PLXNB1: variants seen among roughly 807,000 people sequenced by gnomAD.
PLXNB1 encodes plexin B1.
A neutral mutation model predicts 209.4 loss-of-function variants in PLXNB1; 106 were observed. The observed-to-expected ratio is 0.51, with a 90% CI of 0.43 to 0.59. PLXNB1 has a LOEUF of 0.59. Ranked by LOEUF, PLXNB1 falls within the 20% of genes least tolerant of loss-of-function variation. The pLI is 0.00. For missense variants in PLXNB1, 2,357 were observed against 2,853.2 expected (o/e 0.83, Z 3.96); for synonymous variants, 1,167 against 1,183.2 (o/e 0.99, Z 0.28).
In PLXNB1 at chr3:48,412,776, G is replaced by C; in HGVS notation, c.4820C>G (p.Ser1607Cys). The C allele has an allele frequency of 6.2e-7, 1 of 1,613,528 alleles. No individual in the cohort carries two copies. The highest frequency in any genetic ancestry group is 8.5e-7 in the Non-Finnish European group (1 of 1,180,000). ...GAAGAGCTTGCTGTTGAGCAGGTTA[G>C]AGAGCTGCCCCAGCCCTTGCTCCAC... Reference protein sequence around the residue: ...PTVEQGLGQLSNLLNSKLFLT... With the variant: ...PTVEQGLGQLCNLLNSKLFLT... The change falls in exon 25 of 38, where the codon TCT (serine) becomes TGT (cysteine). Residue 1607 changes from serine to cysteine, a missense_variant. By Grantham distance (112) the Ser-to-Cys change is moderately radical. Coordinates refer to ENST00000296440, the MANE Select transcript of PLXNB1 (RefSeq NM_001130082.3).
At position 48,404,278 on chromosome 3, in the gene PLXNB1, C is replaced by G. The variant is rs367875730; in HGVS notation, c.*208G>C. The G allele has an allele frequency of 5.4e-6, 3 of 551,208 alleles. No individual in the cohort carries two copies. Among genetic ancestry groups the G allele is most frequent in the Admixed American group, 6.8e-5 (2 of 29,264 alleles). The allele number at this position is 551,208 out of a possible 1,614,324, so 34.1% of individuals were successfully genotyped here. A position where few individuals can be genotyped will look rare whatever the true frequency, so the allele number is the denominator to read the frequency against. ...AGGGTCGCTGGACTCGGGGAGCAGG[C>G]TGGGTACTACCCCATGAGCCTTGAG... is the stretch of plus-strand genomic sequence containing the variant. On this transcript the variant is annotated 3_prime_UTR_variant, in exon 38 of 38. Coordinates refer to ENST00000296440, the MANE Select transcript of PLXNB1 (RefSeq NM_001130082.3).
intron 8 of PLXNB1, 128 bp from the exon 9 acceptor site, chr3:48,421,084 T>C: frequency 1.6e-6 from 2 of 1,267,942 alleles, no homozygotes; most frequent in African/African-American, 1.5e-5. Context: ...GGGCACAGAA[T>C]GGAGGCTTCA....
rs2039103447 is a variant in PLXNB1 at position 48,429,842 on chromosome 3, T to C, written c.-60+166A>G. On this transcript the variant is annotated intron_variant, in intron 1 of 37. Coordinates refer to ENST00000296440, the MANE Select transcript of PLXNB1 (RefSeq NM_001130082.3). This position sits in a 1 kb window ranked among gnomAD's most constrained non-coding sequence, Gnocchi z 6.4. ...CGCGCTCCGCACCCGCAGGTGCTGGTGGAACAGCGTCCCGGCCTCTTCCCG... is the reference window on the plus strand; with the variant it reads ...CGCGCTCCGCACCCGCAGGTGCTGGCGGAACAGCGTCCCGGCCTCTTCCCG... 6.6e-6 allele frequency among the ~76,000 whole-genome samples: 1 copy of C among 151,970 alleles called. No homozygotes were observed. The highest frequency in any genetic ancestry group is 2.4e-5 in the African/African-American group (1 of 41,366).
chr3:48,424,538 G>A lies in PLXNB1; in HGVS notation c.74C>T (p.Pro25Leu), dbSNP rs1317863778. The A allele has an allele frequency of 2.5e-6, 4 of 1,583,794 alleles. No homozygotes were observed. In the African/African-American group the frequency reaches 4.0e-5, roughly 16 times the overall value. The change falls in exon 3 of 38, where the codon CCA (proline) becomes CTA (leucine). Residue 25 changes from proline to leucine, a missense_variant. By Grantham distance (98) the Pro-to-Leu change is moderately conservative (BLOSUM62 -3). This residue lies in a region of PLXNB1 where 107 missense variants were observed against 167.2 expected (regional missense o/e 0.64). Transcript: ENST00000296440. ...CGTGCCATTGGGAGTGAATGCAGTT[G>A]GTGGAAGGGGCTGGAGGGTGAGGAC... The part of the protein sequence containing the change: ...GWVLTLQPLP[P>L]TAFTPNGTYL...
At position 48,410,746 on chromosome 3, in the gene PLXNB1, G is replaced by T; in HGVS notation, c.5416+122C>A. On this transcript the variant is annotated intron_variant, in intron 29 of 37. Coordinates refer to ENST00000296440, the MANE Select transcript of PLXNB1 (RefSeq NM_001130082.3). The surrounding 1 kb of genome is among the most constrained non-coding windows in gnomAD (Gnocchi z 6.4). ...GTCCAAGAAAGATGTTCCAAAGCCAGCTTCTGCCTGCCTCCCAGCATCCTC... is the reference window on the plus strand; with the variant it reads ...GTCCAAGAAAGATGTTCCAAAGCCATCTTCTGCCTGCCTCCCAGCATCCTC... 1 of 1,076,638 alleles carries T rather than the reference G, an allele frequency of 9.3e-7. No homozygotes were observed. The highest frequency in any genetic ancestry group is 1.3e-6 in the Non-Finnish European group (1 of 746,978). The allele number at this position is 1,076,638 out of a possible 1,614,324, so 66.7% of individuals were successfully genotyped here. A position where few individuals can be genotyped will look rare whatever the true frequency, so the allele number is the denominator to read the frequency against.
chr3:48,418,810 C>G lies in PLXNB1; in HGVS notation c.2955+107G>C. Reference sequence around the variant, plus strand: ...GTGTGGAGACTCCCTCAGGGCGACACGGTCAGAGCGTGGCTCTGGAAAGTG... The same window carrying G: ...GTGTGGAGACTCCCTCAGGGCGACAGGGTCAGAGCGTGGCTCTGGAAAGTG... On this transcript the variant is annotated intron_variant, in intron 13 of 37. Transcript: ENST00000296440. This position sits in a 1 kb window ranked among gnomAD's most constrained non-coding sequence, Gnocchi z 6.6. 5 of 1,405,004 alleles carry G rather than the reference C, an allele frequency of 3.6e-6. No homozygotes were observed. Among genetic ancestry groups the G allele is most frequent in the Non-Finnish European group, 5.0e-6 (5 of 1,009,176 alleles). 87.0% of individuals were successfully genotyped at this position (1,405,004 alleles called of 1,614,324 possible).
chr3:48,422,884 G>A lies in PLXNB1; in HGVS notation c.1171C>T (p.Pro391Ser). 2 of 1,614,156 alleles carry A rather than the reference G, an allele frequency of 1.2e-6. No homozygotes were observed. The highest frequency in any genetic ancestry group is 1.7e-6 in the Non-Finnish European group (2 of 1,179,998). The change falls in exon 4 of 38, where the codon CCG becomes TCG. Residue 391 changes from proline (P) to serine (S), a missense_variant. Physicochemically the swap from Pro to Ser is moderately conservative, Grantham distance 74. Around this residue, in one of 7 missense-constraint regions of PLXNB1, gnomAD observed 404 missense variants for 443.6 expected, o/e 0.91. Transcript: ENST00000296440. ...HTPSPMASRV[P>S]LEATPILEWP... is the part of the protein sequence containing the mutation. ...TCCAGAATTGGTGTGGCTTCCAGCG[G>A]GACCCGGCTGGCCATGGGGCTGGGC... is the stretch of plus-strand genomic sequence containing the variant.
rs2037333763 is a variant in PLXNB1, at chr3:48,406,721, T to TGA, written c.6228+100_6228+101dup. The TGA allele has an allele frequency of 6.8e-7, 1 of 1,475,396 alleles. No homozygotes were observed. Among genetic ancestry groups the TGA allele is most frequent in the African/African-American group, 1.4e-5 (1 of 71,004 alleles). 91.4% of individuals were successfully genotyped at this position (1,475,396 alleles called of 1,614,324 possible). On this transcript the variant is annotated intron_variant, in intron 36 of 37. Transcript: ENST00000296440. The surrounding 1 kb of genome is among the most constrained non-coding windows in gnomAD (Gnocchi z 4.4). Reference sequence around the variant, plus strand: ...TGCCCCAACCAGCTCACAGGGCTGCTGAGGTTCCCAAGGGCTTCCCTGCAA... The same window carrying TGA: ...TGCCCCAACCAGCTCACAGGGCTGCTGAGAGGTTCCCAAGGGCTTCCCTGCAA...
Position 48,409,530 on chromosome 3 carries a change from AC to A in PLXNB1, c.5939+40del, listed in dbSNP as rs760872744. On this transcript the variant is annotated intron_variant, in intron 33 of 37. Coordinates refer to ENST00000296440, the MANE Select transcript of PLXNB1 (RefSeq NM_001130082.3). The surrounding 1 kb of genome is among the most constrained non-coding windows in gnomAD (Gnocchi z 5.8). Reference sequence around the variant, plus strand: ...ATGTGCTGGGGAGGCAGAAGAGAAGACCCCCCACACACACCTAGAGCCCACC... The same window carrying A: ...ATGTGCTGGGGAGGCAGAAGAGAAGACCCCCACACACACCTAGAGCCCACC... The A allele has an allele frequency of 1.6e-5, 25 of 1,612,488 alleles. No homozygotes were observed. The highest frequency in any genetic ancestry group is 1.6e-4 in the Middle Eastern group (1 of 6,084).
chr3:48,420,289 GC>G, intron 10 of PLXNB1, 32 bp from the exon 11 acceptor site: 1 of 1,390,206 alleles, frequency 7.2e-7, no homozygotes, highest in Non-Finnish European at 9.9e-7. Flanking sequence ...GACAGGAAGG[GC>G]CACTCAGCAG....
At position 48,416,220 on chromosome 3, in the gene PLXNB1, G is replaced by T; in HGVS notation, c.3481-53C>A. On this transcript the variant is annotated intron_variant, in intron 17 of 37. Coordinates refer to ENST00000296440, the MANE Select transcript of PLXNB1 (RefSeq NM_001130082.3). The surrounding 1 kb of genome is among the most constrained non-coding windows in gnomAD (Gnocchi z 4.1). ...GCATCAGACCAGACACATGGAGGCAGGGACAGCCTGAGAGACAGGCTGGCC... is the reference window on the plus strand; with the variant it reads ...GCATCAGACCAGACACATGGAGGCATGGACAGCCTGAGAGACAGGCTGGCC... The T allele has an allele frequency of 6.3e-7, 1 of 1,579,236 alleles. No homozygotes were observed. Among genetic ancestry groups the T allele is most frequent in the Non-Finnish European group, 8.6e-7 (1 of 1,159,494 alleles).
rs780853042 is a variant in PLXNB1 at position 48,423,647 on chromosome 3, C to A, written c.965G>T (p.Cys322Phe). 3.1e-6 allele frequency: 5 copies of A among 1,614,046 alleles called. 1 individual carries two copies. The Admixed American group carries it at 8.3e-5, about 27-fold the overall frequency. The change falls in exon 3 of 38, where the codon TGT becomes TTT. Residue 322 changes from cysteine (C) to phenylalanine (F), a missense_variant. This residue lies in a region of PLXNB1 where 404 missense variants were observed against 443.6 expected (regional missense o/e 0.91). Transcript: ENST00000296440. ...GTCCACCTCATCCAGGGGGAAGGCACAGAGGGCAGAGGCTCCAGATGCCCC... is the reference window on the plus strand; with the variant it reads ...GTCCACCTCATCCAGGGGGAAGGCAAAGAGGGCAGAGGCTCCAGATGCCCC... ...AAGASGASAL[C>F]AFPLDEVDRL...
chr3:48,414,706 C>A (rs2037953885), intron 21 of PLXNB1, 93 bp downstream of exon 21: 3 of 1,480,680 alleles, frequency 2.0e-6, no homozygotes, highest in South Asian at 1.3e-5. Flanking sequence ...CCGGCCCTTG[C>A]TCTACTGTCT....
rs768542002 is a variant in PLXNB1, at chr3:48,422,436, A to G, written c.1314T>C (p.Asp438=). ...TGCTCTGTGTGGAGTATGGGTGGCCATCGCTCCCTGGGCCCAAGTAGACCT... is the reference window on the plus strand; with the variant it reads ...TGCTCTGTGTGGAGTATGGGTGGCCGTCGCTCCCTGGGCCCAAGTAGACCT... ...LHRVYLGPGS[D]GHPYSTQSIQ... is the part of the protein sequence containing the mutation. Residue 438 remains aspartate, a synonymous_variant, in exon 5 of 38, where the codon GAT becomes GAC. Transcript: ENST00000296440. 14 of 1,595,398 alleles carry G rather than the reference A, an allele frequency of 8.8e-6. No homozygotes were observed. The Admixed American group carries it at 2.4e-4, about 28-fold the overall frequency.
At position 48,412,211 on chromosome 3, in the gene PLXNB1, G is replaced by C. The variant is rs1418770154; in HGVS notation, c.5100+27C>G. The C allele has an allele frequency of 1.9e-6, 3 of 1,611,144 alleles. No homozygotes were observed. In the Admixed American group the frequency reaches 5.0e-5, roughly 27 times the overall value. On this transcript the variant is annotated intron_variant, in intron 27 of 37. Coordinates refer to ENST00000296440, the MANE Select transcript of PLXNB1 (RefSeq NM_001130082.3). The stretch of plus-strand genomic sequence containing the variant: ...GGAGGGCCTGACCCTCCCTGGACAG[G>C]AGCCCTGTCCACCTCTGCCCCCTCA...
At position 48,405,367 on chromosome 3, in the gene PLXNB1, C is replaced by A. The variant is rs981491971; in HGVS notation, c.6303+357G>T. On this transcript the variant is annotated intron_variant, in intron 37 of 37. Coordinates refer to ENST00000296440, the MANE Select transcript of PLXNB1 (RefSeq NM_001130082.3). This position sits in a 1 kb window ranked among gnomAD's most constrained non-coding sequence, Gnocchi z 5.0. ...TGCCTGGACTCTCCTCTTCGCAGCT[C>A]ATGCAGCCAAGCCAGGCCTGCACTT... Among the ~76,000 whole-genome samples the A allele has an allele frequency of 6.6e-6, 1 of 152,202 alleles. No homozygotes were observed. The highest frequency in any genetic ancestry group is 2.4e-5 in the African/African-American group (1 of 41,442).
chr3:48,427,512 C>T (rs1342028685), intron 1 of PLXNB1, among the ~76,000 whole-genome samples: 1 of 152,192 alleles, frequency 6.6e-6, no homozygotes, highest in Admixed American at 6.5e-5. Context: ...CCCAACTTCT[C>T]AGGACTTTCC....
chr3:48,410,088 A>G lies in PLXNB1; in HGVS notation c.5606-11T>C. 6.4e-7 allele frequency: 1 copy of G among 1,567,014 alleles called. No homozygotes were observed. The highest frequency in any genetic ancestry group is 8.7e-7 in the Non-Finnish European group (1 of 1,152,920). On this transcript the variant is annotated splice_polypyrimidine_tract_variant and intron_variant, in intron 31 of 37. Transcript: ENST00000296440. The surrounding 1 kb of genome is among the most constrained non-coding windows in gnomAD (Gnocchi z 6.4). Reference sequence around the variant, plus strand: ...CCAGCATTGGGGTCCCTGTGCCAAGAGCCCACAGCTGTCACCCCTCCCCAG... The same window carrying G: ...CCAGCATTGGGGTCCCTGTGCCAAGGGCCCACAGCTGTCACCCCTCCCCAG...
rs2037586229 is a variant in PLXNB1 at position 48,410,260 on chromosome 3, G to A, written c.5605+36C>T. 6.5e-7 allele frequency: 1 copy of A among 1,549,270 alleles called. No homozygotes were observed. ...TCCCCATGACTCCGGGCTGGGCACA[G>A]CAGGGGCAGAGGACCGTGATGGGAG... On this transcript the variant is annotated intron_variant, in intron 31 of 37. Transcript: ENST00000296440. This position sits in a 1 kb window ranked among gnomAD's most constrained non-coding sequence, Gnocchi z 6.4.
Sources: gnomAD v4.1 joint callset for allele counts (sites outside exome capture counted in the v4.1 genomes callset) on GRCh38, gnomAD v4.1.1 for gene constraint, gnomAD v4.1.1 regional missense constraint, Gnocchi (gnomAD v3.1) non-coding constraint, MANE v1.5 for transcripts, NCBI Gene and HGNC (gene_info 2026-07-23, HGNC 2026-07-21) for gene names.